FRMD4A: variants seen among roughly 807,000 people sequenced by gnomAD.
The protein encoded by FRMD4A is FERM domain containing 4A, also known as FERM domain-containing protein 4A.
A neutral mutation model predicts 129.1 loss-of-function variants in FRMD4A; 29 were observed. The observed-to-expected ratio is 0.22, with a 90% CI of 0.17 to 0.31. The LOEUF is 0.31. Among genes scored for constraint, FRMD4A ranks in the 10% least tolerant of loss-of-function variants. The pLI is 1.00. For synonymous variants in FRMD4A, 634 were observed against 571.6 expected, an observed-to-expected ratio of 1.11 and a Z score of -1.56; for missense variants, 1,272 against 1,375.8, an observed-to-expected ratio of 0.92 and a Z score of 1.19.
At chr10:14,051,238 C>T (rs1056369935) in intron 2 of FRMD4A, among the ~76,000 whole-genome samples, 1 of 152,212 alleles carries the variant, frequency 6.6e-6, no homozygotes, top group Non-Finnish European at 1.5e-5. Flanking sequence ...GGCAGCCTCT[C>T]CTTACCGAGT....
At chr10:13,764,103 TGA>T (rs2092183520) in intron 6 of FRMD4A, among the ~76,000 whole-genome samples, 1 of 152,084 alleles carries the variant, frequency 6.6e-6, no homozygotes. Context: ...AACAATTTGA[TGA>T]GTTTGGACAG....
intron 2 of FRMD4A, among the ~76,000 whole-genome samples, chr10:14,198,692 C>T (rs1842542644): frequency 6.6e-6 from 1 of 152,180 alleles, no homozygotes; most frequent in African/African-American, 2.4e-5. Context: ...TCATTGACAT[C>T]ACATGTACTG....
intron 6 of FRMD4A, among the ~76,000 whole-genome samples, chr10:13,768,346 G>A (rs1259168853): frequency 1.3e-5 from 2 of 152,140 alleles, no homozygotes; most frequent in Admixed American, 6.5e-5. Context: ...GAGAGCCGGA[G>A]GGCCTCTTTG....
At chr10:13,831,418 T>C (rs2093788325) in intron 3 of FRMD4A, among the ~76,000 whole-genome samples, 1 of 152,152 alleles carries the variant, frequency 6.6e-6, no homozygotes, top group African/African-American at 2.4e-5. Flanking sequence ...CACTGCACTC[T>C]ACCCTAGGTG....
At chr10:14,174,943 T>A (rs77025769) in intron 2 of FRMD4A, among the ~76,000 whole-genome samples, 1 of 150,868 alleles carries the variant, frequency 6.6e-6, no homozygotes, top group Non-Finnish European at 1.5e-5. Context: ...GGGCACACTG[T>A]CCAGGAGTCC....
intron 3 of FRMD4A, among the ~76,000 whole-genome samples, chr10:13,846,448 G>T (rs1010775543): frequency 6.6e-6 from 1 of 152,206 alleles, no homozygotes; most frequent in Non-Finnish European, 1.5e-5. Flanking sequence ...GGGCTTGGGG[G>T]TGAAGGTGAT....
At position 13,821,731 on chromosome 10, in the gene FRMD4A, G is replaced by A. The variant is rs1564858313; in HGVS notation, c.112-10823C>T. ...CACACAGCGAATCAGTGGGAGAACT[G>A]AACCGCGGCACACAGGTGGGCATGG... On this transcript the variant is annotated intron_variant, in intron 3 of 24. Transcript: ENST00000357447. The surrounding 1 kb of genome is among the most constrained non-coding windows in gnomAD (Gnocchi z 4.3). Among the ~76,000 whole-genome samples the A allele has an allele frequency of 6.6e-6, 1 of 152,180 alleles. No homozygotes were observed. Among genetic ancestry groups the A allele is most frequent in the African/African-American group, 2.4e-5 (1 of 41,448 alleles).
intron 2 of FRMD4A, among the ~76,000 whole-genome samples, chr10:13,874,605 G>T (rs1458541795): frequency 6.6e-6 from 1 of 152,124 alleles, no homozygotes; most frequent in Non-Finnish European, 1.5e-5. Context: ...CTATATTAAA[G>T]ATAAAATCAT....
At chr10:14,051,712 C>T (rs972647670) in intron 2 of FRMD4A, among the ~76,000 whole-genome samples, 15 of 152,160 alleles carry the variant, frequency 9.9e-5, no homozygotes, top group Admixed American at 2.6e-4. Flanking sequence ...GTTCTAGTGT[C>T]CCGTGGGCAG....
chr10:13,713,499 C>T (rs1388409698), intron 12 of FRMD4A, among the ~76,000 whole-genome samples: 2 of 152,082 alleles, frequency 1.3e-5, no homozygotes, highest in South Asian at 2.1e-4. Context: ...TTCATTTCTG[C>T]CCTTTTTACT....
At position 14,185,675 on chromosome 10, in the gene FRMD4A, G is replaced by A. The variant is rs181386238; in HGVS notation, c.45+144383C>T. Among the ~76,000 whole-genome samples, 107 of 152,318 alleles carry A rather than the reference G, an allele frequency of 7.0e-4. 1 individual carries two copies. Among genetic ancestry groups the A allele is most frequent in the Non-Finnish European group, 8.2e-4 (56 of 68,034 alleles). ...CGGTTGTTAGCTGTGCAGATGAGCA[G>A]AAGAGAGGATAGCAGCAGCTCAACA... is the stretch of plus-strand genomic sequence containing the variant. On this transcript the variant is annotated intron_variant, in intron 2 of 24. Coordinates refer to ENST00000357447, the MANE Select transcript of FRMD4A (RefSeq NM_018027.5).
At chr10:14,170,662 A>G (rs1564360018) in intron 2 of FRMD4A, among the ~76,000 whole-genome samples, 2 of 152,198 alleles carry the variant, frequency 1.3e-5, no homozygotes, top group Admixed American at 1.3e-4. Context: ...AAAAGTTACA[A>G]CTATCCTTTC....
intron 22 of FRMD4A, chr10:13,655,117 C>T (rs930084025): frequency 6.6e-6 from 1 of 152,372 alleles, no homozygotes; most frequent in African/African-American, 2.4e-5. Flanking sequence ...CTGATGTAGG[C>T]AGCATGGAAG....
chr10:13,939,678 C>T (rs1290291599), intron 2 of FRMD4A, among the ~76,000 whole-genome samples: 1 of 152,186 alleles, frequency 6.6e-6, no homozygotes, highest in African/African-American at 2.4e-5. Flanking sequence ...CCTGGAATTA[C>T]TTTGCAGAGC....
chr10:13,863,314 G>A (rs2131053169), intron 2 of FRMD4A, among the ~76,000 whole-genome samples: 1 of 152,256 alleles, frequency 6.6e-6, no homozygotes, highest in South Asian at 2.1e-4. Flanking sequence ...TGGCGTGGTG[G>A]CTCACGCCTG....
intron 8 of FRMD4A, among the ~76,000 whole-genome samples, chr10:13,752,526 G>T (rs1048437639): frequency 2.6e-5 from 4 of 152,186 alleles, no homozygotes; most frequent in Non-Finnish European, 5.9e-5. Context: ...GGGACGAACA[G>T]AATAGGCTTA....
intron 3 of FRMD4A, among the ~76,000 whole-genome samples, chr10:13,853,312 C>T (rs1444026990): frequency 6.6e-6 from 1 of 152,182 alleles, no homozygotes; most frequent in African/African-American, 2.4e-5. Context: ...AGGAAAGGAC[C>T]AAGGCAGGAG....
Position 14,209,920 on chromosome 10 carries a change from A to C in FRMD4A, c.45+120138T>G, listed in dbSNP as rs1323746381. 5.3e-5 allele frequency among the ~76,000 whole-genome samples: 8 copies of C among 152,084 alleles called. No homozygotes were observed. The East Asian group carries it at 1.5e-3, about 29-fold the overall frequency. ...AAGGCTCAGGAGAGACACACAGAGG[A>C]GGAAGCCATGTGAAGATGGAAGCAG... On this transcript the variant is annotated intron_variant, in intron 2 of 24. Transcript: ENST00000357447.
chr10:13,754,160 T>C (rs74582070), intron 8 of FRMD4A, among the ~76,000 whole-genome samples: 8,228 of 152,202 alleles, frequency 0.054, 317 homozygotes, highest in Non-Finnish European at 0.085. Context: ...TTCACAGGTA[T>C]AACTGAAAAT....
Sources: allele counts gnomAD v4.1 joint callset (sites outside exome capture counted in the v4.1 genomes callset), GRCh38; gene constraint gnomAD v4.1.1; non-coding constraint Gnocchi (gnomAD v3.1); transcripts MANE v1.5; gene names NCBI Gene and HGNC (gene_info 2026-07-23, HGNC 2026-07-21).